RBFOX1: variants seen among roughly 807,000 people sequenced by gnomAD.
RBFOX1 encodes RNA binding fox-1 homolog 1.
A neutral mutation model predicts 57.7 loss-of-function variants in RBFOX1; 8 were observed. The ratio of observed to expected loss-of-function variants is 0.14; its 90% CI spans 0.08 to 0.25. The LOEUF (loss-of-function observed/expected upper bound fraction) is 0.25, where lower values mean the gene tolerates loss of function less well. Ranked by LOEUF, RBFOX1 falls within the 10% of genes least tolerant of loss-of-function variation. The pLI, the probability that RBFOX1 is intolerant of heterozygous loss-of-function variation, is 1.00. For missense variants in RBFOX1, 611 were observed against 548.5 expected (o/e 1.11, Z -1.14); for synonymous variants, 326 against 222.4 (o/e 1.47, Z -4.15).
rs140547017 is a variant in RBFOX1, at chr16:5,677,413, C to T, written c.318+78452C>T. Among the ~76,000 whole-genome samples, 1,231 of 152,272 alleles carry T rather than the reference C, an allele frequency of 8.1e-3. 17 individuals are homozygous for T. The highest frequency in any genetic ancestry group is 0.028 in the African/African-American group (1,157 of 41,552). On this transcript the variant is annotated intron_variant, in intron 3 of 19. Coordinates refer to the RBFOX1 transcript ENST00000641259. ...TCTTAGGGGAAAATGAATGCACTTT[C>T]TATGGGTCCCTGTTTACAGTAGATA... is the stretch of plus-strand genomic sequence containing the variant.
intron 1 of RBFOX1, among the ~76,000 whole-genome samples, chr16:5,449,240 C>T (rs2151560518): frequency 6.6e-6 from 1 of 152,234 alleles, no homozygotes. Flanking sequence ...TGTAATTGGC[C>T]TTTCCTCTTC....
At chr16:6,636,130 C>G (rs2098430104) in intron 2 of RBFOX1, among the ~76,000 whole-genome samples, 1 of 152,160 alleles carries the variant, frequency 6.6e-6, no homozygotes, top group East Asian at 1.9e-4. Context: ...CACCTCGCAT[C>G]TCAGCAGTCA....
intron 4 of RBFOX1, among the ~76,000 whole-genome samples, chr16:7,145,777 A>C (rs760657156): frequency 6.6e-6 from 1 of 152,132 alleles, no homozygotes; most frequent in East Asian, 1.9e-4. Flanking sequence ...AAAATCATGT[A>C]TGAGTCTCCC....
At chr16:5,883,093 G>A (rs1305144122) in intron 4 of RBFOX1, among the ~76,000 whole-genome samples, 1 of 152,058 alleles carries the variant, frequency 6.6e-6, no homozygotes, top group African/African-American at 2.4e-5. Flanking sequence ...GAGAAAATTG[G>A]GTACTTGAAT....
intron 4 of RBFOX1, among the ~76,000 whole-genome samples, chr16:7,443,256 T>C (rs2098783174): frequency 6.6e-6 from 1 of 152,092 alleles, no homozygotes; most frequent in Non-Finnish European, 1.5e-5. Flanking sequence ...CCAGTTTGAT[T>C]CATATACCAA....
intron 4 of RBFOX1, among the ~76,000 whole-genome samples, chr16:7,171,071 G>C (rs1033645709): frequency 6.6e-6 from 1 of 152,086 alleles, no homozygotes; most frequent in Non-Finnish European, 1.5e-5. Flanking sequence ...CTTATTTCTT[G>C]TTGGAGGTCC....
intron 3 of RBFOX1, among the ~76,000 whole-genome samples, chr16:7,050,852 C>A (rs2049819853): frequency 6.6e-6 from 1 of 151,988 alleles, no homozygotes; most frequent in Non-Finnish European, 1.5e-5. Context: ...TTGTGTGCCT[C>A]TGCATATTTT....
chr16:5,561,947 C>G (rs1018377974), intron 2 of RBFOX1, among the ~76,000 whole-genome samples: 6 of 152,176 alleles, frequency 3.9e-5, no homozygotes, highest in African/African-American at 7.2e-5. Flanking sequence ...GGCCTCTTTT[C>G]CCCTGTCATC....
intron 3 of RBFOX1, among the ~76,000 whole-genome samples, chr16:5,664,248 C>G (rs541930968): frequency 3.0e-4 from 46 of 152,266 alleles, no homozygotes; most frequent in Middle Eastern, 3.4e-3. Context: ...CAGTTGTGAA[C>G]TCTTTAAAAG....
At chr16:5,471,980 A>G (rs2069152062) in intron 2 of RBFOX1, among the ~76,000 whole-genome samples, 1 of 152,176 alleles carries the variant, frequency 6.6e-6, no homozygotes, top group South Asian at 2.1e-4. Flanking sequence ...TCCCCGACAG[A>G]TGAAAGCAGG....
rs375027940 is a variant in RBFOX1, at chr16:5,463,661, G to A, written c.220-3555G>A. 1.5e-4 allele frequency among the ~76,000 whole-genome samples: 23 copies of A among 152,022 alleles called. No homozygotes were observed. The East Asian group carries it at 3.9e-3, about 26-fold the overall frequency. On this transcript the variant is annotated intron_variant, in intron 1 of 2. Transcript: ENST00000585867. ...CTAAAAATACAAAAATTAGCCAGAC[G>A]TGCTGACACACAACTGTAATCCCAG... is the stretch of plus-strand genomic sequence containing the variant.
At chr16:7,432,524 A>C (rs192794840) in intron 4 of RBFOX1, among the ~76,000 whole-genome samples, 2 of 152,050 alleles carry the variant, frequency 1.3e-5, no homozygotes, top group Non-Finnish European at 2.9e-5. Flanking sequence ...ATGCACAAAC[A>C]TTTTTTTTAT....
chr16:6,904,094 C>G (rs1336163745), intron 3 of RBFOX1, among the ~76,000 whole-genome samples: 2 of 152,204 alleles, frequency 1.3e-5, no homozygotes, highest in East Asian at 1.9e-4. Context: ...GTCGGATGCT[C>G]TTATTCACCA....
intron 4 of RBFOX1, among the ~76,000 whole-genome samples, chr16:7,485,018 T>C (rs1435765050): frequency 6.6e-6 from 1 of 151,856 alleles, no homozygotes; most frequent in African/African-American, 2.4e-5. Flanking sequence ...ATGTCTTGCA[T>C]ATCAAAATTT....
At position 7,144,494 on chromosome 16, in the gene RBFOX1, A is replaced by G. The variant is rs185267318; in HGVS notation, c.27+92396A>G. On this transcript the variant is annotated intron_variant, in intron 4 of 15. Transcript: ENST00000550418. The stretch of plus-strand genomic sequence containing the variant: ...AGTGCAGTGGTGGCACACACACAGC[A>G]GCTCACTGCAGCCTTAACGTCCCAG... 3.0e-3 allele frequency among the ~76,000 whole-genome samples: 415 copies of G among 139,766 alleles called. 3 individuals carry two copies. Among genetic ancestry groups the G allele is most frequent in the African/African-American group, 0.011 (394 of 36,950 alleles). 91.7% of individuals were successfully genotyped at this position (139,766 alleles called of 152,430 possible).
chr16:7,507,565 C>CTTTTT (rs3030308), intron 4 of RBFOX1, among the ~76,000 whole-genome samples: 5 of 132,544 alleles, frequency 3.8e-5, no homozygotes, highest in Admixed American at 8.1e-5. Context: ...TTCTTTCTTT[C>CTTTTT]TTTTTTTTTT....
intron 3 of RBFOX1, among the ~76,000 whole-genome samples, chr16:6,939,109 C>T (rs1188399532): frequency 2.0e-5 from 3 of 151,948 alleles, no homozygotes; most frequent in African/African-American, 7.3e-5. Context: ...AAACAGTGGC[C>T]CAGAAAAATT....
chr16:7,358,406 GTGTTTTTTGTTTTT>G (rs539846470), intron 4 of RBFOX1, among the ~76,000 whole-genome samples: 2 of 151,866 alleles, frequency 1.3e-5, no homozygotes, highest in Non-Finnish European at 2.9e-5. Flanking sequence ...AAGTATTTTT[GTGTTTTTTGTTTTT>G]TGTTTTTTGT....
At chr16:5,979,054 A>G (rs112459952) in intron 4 of RBFOX1, among the ~76,000 whole-genome samples, 1 of 152,214 alleles carries the variant, frequency 6.6e-6, no homozygotes, top group Non-Finnish European at 1.5e-5. Flanking sequence ...AGAACCATGG[A>G]CAATGGTTTA....
Sources: gnomAD v4.1 joint callset for allele counts (sites outside exome capture counted in the v4.1 genomes callset) on GRCh38, gnomAD v4.1.1 for gene constraint, MANE v1.5 for transcripts, NCBI Gene and HGNC (gene_info 2026-07-23, HGNC 2026-07-21) for gene names.